NEGR1: variants seen among roughly 807,000 people sequenced by gnomAD.
NEGR1 encodes the protein IgLON family member 4.
In NEGR1, 10 loss-of-function variants were observed where a neutral mutation model predicts 40.9. The ratio of observed to expected loss-of-function variants is 0.24; its 90% CI spans 0.15 to 0.42. The LOEUF (loss-of-function observed/expected upper bound fraction) is 0.42, where lower values mean the gene tolerates loss of function less well. Among genes scored for constraint, NEGR1 ranks in the 10% least tolerant of loss-of-function variants. The probability of loss-of-function intolerance (pLI) is 1.00; values close to 1 mark genes in which losing one functional copy is unlikely to be tolerated. For synonymous variants in NEGR1, 185 were observed against 166.8 expected (o/e 1.11, Z -0.84); for missense variants, 352 against 438.9 (o/e 0.80, Z 1.77).
At chr1:71,474,360 ATG>A (rs1646804520) in intron 6 of NEGR1, among the ~76,000 whole-genome samples, 1 of 148,106 alleles carries the variant, frequency 6.8e-6, no homozygotes, top group Non-Finnish European at 1.5e-5. Flanking sequence ...GACTGTGTCT[ATG>A]TGTGACAATG....
At chr1:71,711,929 A>G (rs1570245944) in intron 3 of NEGR1, among the ~76,000 whole-genome samples, 1 of 152,232 alleles carries the variant, frequency 6.6e-6, no homozygotes, top group East Asian at 1.9e-4. Context: ...TCAAAAGGCT[A>G]TATATTGTAT....
intron 2 of NEGR1, among the ~76,000 whole-genome samples, chr1:71,927,360 G>A (rs1394681709): frequency 3.3e-5 from 5 of 152,030 alleles, no homozygotes; most frequent in African/African-American, 9.7e-5. Flanking sequence ...GTATATTTGG[G>A]GAAATAATCT....
chr1:72,110,556 T>G (rs1649320735), intron 1 of NEGR1, among the ~76,000 whole-genome samples: 1 of 151,644 alleles, frequency 6.6e-6, no homozygotes, highest in Admixed American at 6.6e-5. Context: ...ATTATTATTT[T>G]TAAAAACTTC....
chr1:71,546,755 C>T (rs1430703508), intron 6 of NEGR1, among the ~76,000 whole-genome samples: 2 of 151,614 alleles, frequency 1.3e-5, no homozygotes, highest in Non-Finnish European at 1.5e-5. Context: ...GTACTTAATA[C>T]TTAAGCAGTG....
intron 6 of NEGR1, among the ~76,000 whole-genome samples, chr1:71,487,740 G>GT (rs1646896323): frequency 7.8e-6 from 1 of 128,510 alleles, no homozygotes; most frequent in Admixed American, 7.8e-5. Context: ...GCATTCATTA[G>GT]ATTTTTTTTT....
At chr1:71,776,043 G>T in intron 3 of NEGR1, 129 bp downstream of exon 3, 1 of 323,382 alleles carries the variant, frequency 3.1e-6, no homozygotes, top group Non-Finnish European at 5.8e-6. Flanking sequence ...ATAAATAAAT[G>T]CATTCTGCCT....
intron 1 of NEGR1, among the ~76,000 whole-genome samples, chr1:72,255,797 C>T (rs1366094771): frequency 6.6e-6 from 1 of 152,164 alleles, no homozygotes; most frequent in Non-Finnish European, 1.5e-5. Flanking sequence ...GATCCACACG[C>T]CTTGGCCTCC....
intron 2 of NEGR1, among the ~76,000 whole-genome samples, chr1:71,830,727 T>C (rs986078642): frequency 2.0e-5 from 3 of 151,994 alleles, no homozygotes; most frequent in African/African-American, 7.2e-5. Flanking sequence ...TTGTTCCACA[T>C]TGAAATTTCC....
intron 1 of NEGR1, among the ~76,000 whole-genome samples, chr1:71,979,058 G>A (rs1211510522): frequency 6.6e-6 from 1 of 152,062 alleles, no homozygotes; most frequent in Non-Finnish European, 1.5e-5. Context: ...TCCTTTGCAG[G>A]AACATGAATG....
At chr1:71,829,955 A>C (rs1481109618) in intron 2 of NEGR1, among the ~76,000 whole-genome samples, 2 of 151,904 alleles carry the variant, frequency 1.3e-5, no homozygotes, top group Non-Finnish European at 2.9e-5. Context: ...ACTCACTGGG[A>C]ATTTTTTTTC....
At chr1:71,439,315 C>G (rs1049985649) in intron 6 of NEGR1, among the ~76,000 whole-genome samples, 1 of 152,130 alleles carries the variant, frequency 6.6e-6, no homozygotes, top group Non-Finnish European at 1.5e-5. Flanking sequence ...GTTACTAGAA[C>G]TCAAATGAAA....
chr1:71,943,742 T>C (rs1483442927), intron 1 of NEGR1, among the ~76,000 whole-genome samples: 1 of 152,142 alleles, frequency 6.6e-6, no homozygotes, highest in Admixed American at 6.6e-5. Context: ...CTAATTACTA[T>C]CCTCTTATCC....
intron 6 of NEGR1, among the ~76,000 whole-genome samples, chr1:71,535,550 T>C (rs1234089471): frequency 6.6e-6 from 1 of 151,736 alleles, no homozygotes; most frequent in African/African-American, 2.4e-5. Flanking sequence ...CAAGATTTTT[T>C]TCCCCACGTA....
intron 2 of NEGR1, among the ~76,000 whole-genome samples, chr1:71,777,841 A>G (rs1656565295): frequency 6.6e-6 from 1 of 152,066 alleles, no homozygotes; most frequent in Admixed American, 6.6e-5. Flanking sequence ...TTTCCTAAGT[A>G]ATACACCACT....
chr1:71,776,986 C>T (rs1413380740), intron 2 of NEGR1, among the ~76,000 whole-genome samples: 1 of 152,070 alleles, frequency 6.6e-6, no homozygotes, highest in Non-Finnish European at 1.5e-5. Flanking sequence ...CACTGTAAAT[C>T]CATAAGAGTC....
chr1:71,711,402 A>G (rs1654085133), intron 3 of NEGR1, among the ~76,000 whole-genome samples: 1 of 148,176 alleles, frequency 6.7e-6, no homozygotes, highest in African/African-American at 2.5e-5. Context: ...GCATCAAAAG[A>G]TGCTGCACAT....
At chr1:71,481,675 T>C (rs1355039367) in intron 6 of NEGR1, among the ~76,000 whole-genome samples, 5 of 151,942 alleles carry the variant, frequency 3.3e-5, no homozygotes, top group South Asian at 2.1e-4. Context: ...AACCACTTTG[T>C]AAATATTTTT....
At chr1:71,737,262 T>C (rs966880217) in intron 3 of NEGR1, among the ~76,000 whole-genome samples, 2 of 152,142 alleles carry the variant, frequency 1.3e-5, no homozygotes, top group African/African-American at 4.8e-5. Context: ...AGTTTTTCAA[T>C]AGTTCTAGAA....
chr1:72,185,921 A>T (rs536226776), intron 1 of NEGR1, among the ~76,000 whole-genome samples: 3 of 151,948 alleles, frequency 2.0e-5, no homozygotes, highest in Non-Finnish European at 4.4e-5. Flanking sequence ...ATAGGGGAAA[A>T]TACAAATGCT....
Sources: gnomAD v4.1 joint callset for allele counts (sites outside exome capture counted in the v4.1 genomes callset) on GRCh38, gnomAD v4.1.1 for gene constraint, MANE v1.5 for transcripts, NCBI Gene and HGNC (gene_info 2026-07-23, HGNC 2026-07-21) for gene names.